The following KREMEN1 variants were observed in gnomAD, a reference collection of about 807,000 sequenced individuals.
The protein encoded by KREMEN1 is kringle containing transmembrane protein 1.
A neutral mutation model predicts 46.5 loss-of-function variants in KREMEN1; 30 were observed. The observed-to-expected ratio is 0.65, with a 90% CI of 0.48 to 0.88. The LOEUF is 0.88. Among genes scored for constraint, KREMEN1 ranks in the 40% least tolerant of loss-of-function variants. The probability of loss-of-function intolerance (pLI) is 0.00; values close to 1 mark genes in which losing one functional copy is unlikely to be tolerated. For missense variants in KREMEN1, 533 were observed against 596.9 expected (o/e 0.89, Z 1.11); for synonymous variants, 214 against 230.6 (o/e 0.93, Z 0.65).
intron 9 of KREMEN1, among the ~76,000 whole-genome samples, chr22:29,160,751 G>A (rs132304): frequency 0.86 from 131,173 of 152,104 alleles, 56,595 homozygotes; most frequent in South Asian, 0.92. Flanking sequence ...GAAAGCTGAT[G>A]GTGCTCAATG....
chr22:29,098,740 A>G, intron 2 of KREMEN1, 122 bp from the exon 3 acceptor site: 2 of 727,538 alleles, frequency 2.7e-6, no homozygotes, highest in East Asian at 5.3e-5. Flanking sequence ...GCACTGAGAT[A>G]CAGACCAACT....
At chr22:29,163,100 C>G (rs1197420488) in intron 9 of KREMEN1, among the ~76,000 whole-genome samples, 1 of 152,024 alleles carries the variant, frequency 6.6e-6, no homozygotes, top group Non-Finnish European at 1.5e-5. Flanking sequence ...GTAATCCCCA[C>G]GTGTTGAGGG....
chr22:29,159,577 T>G (rs572697206), intron 9 of KREMEN1, among the ~76,000 whole-genome samples: 1 of 152,058 alleles, frequency 6.6e-6, no homozygotes, highest in East Asian at 1.9e-4. Flanking sequence ...CGAGATCACG[T>G]CACTGCACTC....
In KREMEN1 at chr22:29,094,572, TACACACACACACACACACACACAC is replaced by T. The variant is rs134658; in HGVS notation, c.260+172_260+195del. On this transcript the variant is annotated intron_variant, in intron 2 of 8. Transcript: ENST00000400335. The stretch of plus-strand genomic sequence containing the variant: ...TTTTAAAAATATTTCTTTCACACCT[TACACACACACACACACACACACAC>T]ACACACACACACACACACAATTTAC... The T allele has an allele frequency of 3.9e-5, 10 of 255,768 alleles. No homozygotes were observed. In the East Asian group the frequency reaches 5.0e-4, roughly 13 times the overall value. 15.8% of individuals were successfully genotyped at this position (255,768 alleles called of 1,614,324 possible).
intron 1 of KREMEN1, among the ~76,000 whole-genome samples, chr22:29,091,193 G>A (rs1359618634): frequency 1.3e-5 from 2 of 152,116 alleles, no homozygotes; most frequent in Non-Finnish European, 1.5e-5. Flanking sequence ...GGCTGGTCTC[G>A]AACTCCTGAC....
rs132278 is a variant in KREMEN1 at position 29,141,226 on chromosome 22, C to CGTGTGTGTGTGTGTGT, written c.1209-709_1209-694dup. 3.4e-5 allele frequency among the ~76,000 whole-genome samples: 5 copies of CGTGTGTGTGTGTGTGT among 148,628 alleles called. No individual in the cohort carries two copies. The South Asian group carries it at 1.1e-3, about 32-fold the overall frequency. On this transcript the variant is annotated intron_variant, in intron 8 of 8. Coordinates refer to ENST00000400335, the MANE Select transcript of KREMEN1 (RefSeq NM_001039570.3). ...AAATTTTTAGTGGAAATAATGTCCT[C>CGTGTGTGTGTGTGTGT]GTGTGTGTGTGTGTGTGTGTGTGTC... is the stretch of plus-strand genomic sequence containing the variant.
intron 1 of KREMEN1, among the ~76,000 whole-genome samples, chr22:29,086,013 C>T (rs1489994910): frequency 4.7e-5 from 6 of 127,452 alleles, no homozygotes; most frequent in Non-Finnish European, 9.5e-5. Context: ...GGAAGGCCCA[C>T]ATGGGAGGTG....
rs1319325946 is a variant in KREMEN1 at position 29,153,195 on chromosome 22, T to G, written c.1416+11095T>G. ...AGTGAGGACAACCAGCCATGTTGGTTTTGGCGGGTTTTGTCCGGCTTCTTC... is the reference window on the plus strand; with the variant it reads ...AGTGAGGACAACCAGCCATGTTGGTGTTGGCGGGTTTTGTCCGGCTTCTTC... On this transcript the variant is annotated intron_variant, in intron 9 of 9. Transcript: ENST00000327813. Among the ~76,000 whole-genome samples, 3 of 152,200 alleles carry G rather than the reference T, an allele frequency of 2.0e-5. No homozygotes were observed. In the East Asian group the frequency reaches 5.8e-4, roughly 29 times the overall value.
chr22:29,131,594 G>GTGTGTGTGTA lies in KREMEN1; in HGVS notation c.632-5747_632-5746insGTGTGTGTAT, dbSNP rs71324554. ...TGTGTGTGTGTGTGTGTGTGTGTGT[G>GTGTGTGTGTA]TATATGTATATATGTGTGTATATAT... On this transcript the variant is annotated intron_variant, in intron 5 of 8. Coordinates refer to ENST00000400335, the MANE Select transcript of KREMEN1 (RefSeq NM_001039570.3). 1.1e-3 allele frequency among the ~76,000 whole-genome samples: 139 copies of GTGTGTGTGTA among 121,856 alleles called. 3 individuals carry two copies. Among genetic ancestry groups the GTGTGTGTGTA allele is most frequent in the African/African-American group, 5.7e-3 (136 of 23,756 alleles). The allele number at this position is 121,856 out of a possible 152,430, so 79.9% of individuals were successfully genotyped here.
intron 2 of KREMEN1, among the ~76,000 whole-genome samples, chr22:29,095,228 T>A (rs2037866784): frequency 6.6e-6 from 1 of 152,210 alleles, no homozygotes; most frequent in Non-Finnish European, 1.5e-5. Context: ...GCCATTTACT[T>A]CCTTTTAGTC....
In KREMEN1 at chr22:29,094,375, A is replaced by C; in HGVS notation, c.215A>C (p.Lys72Thr). The change falls in exon 2 of 9, where the codon AAA becomes ACA. Residue 72 changes from lysine (K) to threonine (T), a missense_variant. Lys to Thr is a moderately conservative substitution (Grantham distance 78). Transcript: ENST00000400335. ...TTCCAGCATCCATACAACACTCTGA[A>C]ATACCCCAACGGGGAGGGGGGCCTG... ...ETFQHPYNTL[K>T]YPNGEGGLGE... 1 of 1,614,010 alleles carries C rather than the reference A, an allele frequency of 6.2e-7. No homozygotes were observed.
intron 3 of KREMEN1, among the ~76,000 whole-genome samples, chr22:29,118,177 C>A (rs2038274440): frequency 6.6e-6 from 1 of 152,176 alleles, no homozygotes; most frequent in South Asian, 2.1e-4. Context: ...CAGTTCCTTA[C>A]CACACAGCCT....
chr22:29,126,875 A>G (rs1284811152), intron 5 of KREMEN1, among the ~76,000 whole-genome samples: 5 of 152,182 alleles, frequency 3.3e-5, no homozygotes, highest in African/African-American at 1.2e-4. Flanking sequence ...GTCCAGACCA[A>G]TGCTTAGTTT....
chr22:29,145,025 G>A lies in KREMEN1; in HGVS notation c.*2913G>A, dbSNP rs2038833952. ...GGCTCAGGACAGCGTACGGGCAGGA[G>A]GGCTGTAAATCATCCCAGGCTAAGC... is the stretch of plus-strand genomic sequence containing the variant. On this transcript the variant is annotated 3_prime_UTR_variant, in exon 9 of 9. Transcript: ENST00000400335. The A allele has an allele frequency of 1.0e-6, 1 of 985,402 alleles. No individual in the cohort carries two copies. The allele number at this position is 985,402 out of a possible 1,614,324, so 61.0% of individuals were successfully genotyped here. A position where few individuals can be genotyped will look rare whatever the true frequency, so the allele number is the denominator to read the frequency against.
chr22:29,138,565 G>A (rs570630109), intron 6 of KREMEN1, 59 bp from the exon 7 acceptor site: 15 of 1,522,796 alleles, frequency 9.9e-6, no homozygotes, highest in East Asian at 4.5e-5. Context: ...CTCTCCTCCC[G>A]CACAACTCTT....
intron 3 of KREMEN1, among the ~76,000 whole-genome samples, chr22:29,107,968 G>A (rs1021457603): frequency 2.0e-5 from 3 of 152,148 alleles, no homozygotes; most frequent in Non-Finnish European, 4.4e-5. Flanking sequence ...CTAGCACAGT[G>A]GAGAGTGTAA....
chr22:29,132,971 G>A (rs970817414), intron 5 of KREMEN1, among the ~76,000 whole-genome samples: 7 of 152,082 alleles, frequency 4.6e-5, no homozygotes, highest in African/African-American at 1.4e-4. Context: ...TTTTGAGGCC[G>A]GATGTGGTGG....
downstream of KREMEN1, among the ~76,000 whole-genome samples, chr22:29,148,718 G>A (rs866976646): frequency 6.6e-6 from 1 of 152,082 alleles, no homozygotes; most frequent in Non-Finnish European, 1.5e-5. Context: ...GCCTCCCAAA[G>A]TGCTGGGATT....
chr22:29,113,172 C>A (rs1265965603), intron 3 of KREMEN1, among the ~76,000 whole-genome samples: 1 of 152,210 alleles, frequency 6.6e-6, no homozygotes, highest in African/African-American at 2.4e-5. Context: ...CTGGAGCTTA[C>A]CCTGGCTCTC....
Sources: allele counts gnomAD v4.1 joint callset (sites outside exome capture counted in the v4.1 genomes callset), GRCh38; gene constraint gnomAD v4.1.1; transcripts MANE v1.5; gene names NCBI Gene and HGNC (gene_info 2026-07-23, HGNC 2026-07-21).